The following OSTF1 variants were observed in gnomAD, a reference collection of about 807,000 sequenced individuals.
OSTF1 encodes osteoclast-stimulating factor 1.
Under a neutral mutation model 37.2 loss-of-function variants are expected in OSTF1, and 27 were observed. The observed-to-expected ratio is 0.73, with a 90% CI of 0.54 to 1.00. The LOEUF (loss-of-function observed/expected upper bound fraction) is 1.00. Among genes scored for constraint, OSTF1 ranks in the 50% least tolerant of loss-of-function variants. OSTF1 has a pLI of 0.00. For missense variants in OSTF1, 232 were observed against 253.8 expected, an observed-to-expected ratio of 0.91 and a Z score of 0.58; for synonymous variants, 82 against 89.2, an observed-to-expected ratio of 0.92 and a Z score of 0.46.
At chr9:75,120,365 T>C (rs1825559921) in intron 2 of OSTF1, among the ~76,000 whole-genome samples, 1 of 152,116 alleles carries the variant, frequency 6.6e-6, no homozygotes, top group African/African-American at 2.4e-5. Flanking sequence ...CTGCTTGTCC[T>C]TATCAGTTGT....
chr9:75,100,433 T>TA (rs1437154506), intron 1 of OSTF1, among the ~76,000 whole-genome samples: 1 of 151,664 alleles, frequency 6.6e-6, no homozygotes, highest in East Asian at 1.9e-4. Flanking sequence ...TTTTTTTTTT[T>TA]AAAAAAGTCT....
At position 75,101,875 on chromosome 9, in the gene OSTF1, A is replaced by G. The variant is rs190577323; in HGVS notation, c.34+13149A>G. Among the ~76,000 whole-genome samples, 3 of 152,326 alleles carry G rather than the reference A, an allele frequency of 2.0e-5. No homozygotes were observed. The East Asian group carries it at 5.8e-4, about 29-fold the overall frequency. ...CTGTATCAGGTTTGAAAGAGGTTGC[A>G]CTATAAATAAAGGGCACATTTATAT... On this transcript the variant is annotated intron_variant, in intron 1 of 9. Transcript: ENST00000346234.
Position 75,088,610 on chromosome 9 carries a change from C to G in OSTF1, c.-83C>G. 2 of 1,432,642 alleles carry G rather than the reference C, an allele frequency of 1.4e-6. No individual in the cohort carries two copies. Among genetic ancestry groups the G allele is most frequent in the Non-Finnish European group, 1.9e-6 (2 of 1,035,302 alleles). 88.7% of individuals were successfully genotyped at this position (1,432,642 alleles called of 1,614,324 possible). A position where few individuals can be genotyped will look rare whatever the true frequency, so the allele number is the denominator to read the frequency against. ...ACGGTTGTAAGCCAGACAAAAAGAA[C>G]TGGGGTGCCCGGAGTGCCAGGTGGC... On this transcript the variant is annotated 5_prime_UTR_variant, in exon 1 of 10. Transcript: ENST00000346234.
At chr9:75,119,411 A>C (rs1334879624) in intron 2 of OSTF1, among the ~76,000 whole-genome samples, 1 of 152,230 alleles carries the variant, frequency 6.6e-6, no homozygotes, top group Non-Finnish European at 1.5e-5. Context: ...TTCCACTGAC[A>C]ACTCTCCTGT....
At position 75,141,027 on chromosome 9, in the gene OSTF1, A is replaced by C. The variant is rs140015127; in HGVS notation, c.586+95A>C. 127 of 858,652 alleles carry C rather than the reference A, an allele frequency of 1.5e-4. No individual in the cohort carries two copies. The African/African-American group carries it at 1.8e-3, about 12-fold the overall frequency. The allele number at this position is 858,652 out of a possible 1,614,324, so 53.2% of individuals were successfully genotyped here. A position where few individuals can be genotyped will look rare whatever the true frequency, so the allele number is the denominator to read the frequency against. On this transcript the variant is annotated intron_variant, in intron 9 of 9. Coordinates refer to ENST00000346234, the MANE Select transcript of OSTF1 (RefSeq NM_012383.5). ...AAAAGAGATAAACTCAGCTGAGTGC[A>C]GTGGCTTATACCTGTAATCCCAGCA...
chr9:75,119,022 C>T (rs2118522916), intron 2 of OSTF1, among the ~76,000 whole-genome samples: 1 of 152,344 alleles, frequency 6.6e-6, no homozygotes, highest in South Asian at 2.1e-4. Context: ...TGGGTTTGCC[C>T]CAGACCCTGC....
chr9:75,092,500 C>G (rs906291936), intron 1 of OSTF1, among the ~76,000 whole-genome samples: 11 of 151,980 alleles, frequency 7.2e-5, no homozygotes, highest in Non-Finnish European at 1.2e-4. Context: ...CCTAGAGTAT[C>G]CCATATTTAC....
intron 2 of OSTF1, among the ~76,000 whole-genome samples, chr9:75,124,189 G>A (rs1332101733): frequency 1.3e-5 from 2 of 152,210 alleles, no homozygotes; most frequent in East Asian, 1.9e-4. Context: ...GGGCACATGA[G>A]ATGTTTGGAT....
At chr9:75,146,584 A>C (rs1826028336) in intron 9 of OSTF1, 99 bp from the exon 10 acceptor site, 8 of 803,408 alleles carry the variant, frequency 1.0e-5, no homozygotes. Flanking sequence ...GGTCAGATGG[A>C]AGATTCTATT....
chr9:75,143,567 T>C lies in OSTF1; in HGVS notation c.586+2635T>C, dbSNP rs557559954. On this transcript the variant is annotated intron_variant, in intron 9 of 9. Coordinates refer to ENST00000346234, the MANE Select transcript of OSTF1 (RefSeq NM_012383.5). ...AATGGAATCAAACAGTATGTACTTT[T>C]TGTGACTGACCTCTTTCATTTACAT... 3.3e-4 allele frequency among the ~76,000 whole-genome samples: 51 copies of C among 152,334 alleles called. No homozygotes were observed. In the South Asian group the frequency reaches 0.01, roughly 30 times the overall value.
intron 1 of OSTF1, among the ~76,000 whole-genome samples, chr9:75,103,976 C>T (rs1564155629): frequency 6.6e-6 from 1 of 152,290 alleles, no homozygotes; most frequent in South Asian, 2.1e-4. Context: ...TGCCTGTAAT[C>T]CCACACTTTG....
chr9:75,128,581 CAT>C (rs57516721), intron 3 of OSTF1, among the ~76,000 whole-genome samples: 77 of 2,104 alleles, frequency 0.037, 26 homozygotes, highest in African/African-American at 0.12. Flanking sequence ...ATATTTTGTC[CAT>C]ATATATATAT....
intron 7 of OSTF1, among the ~76,000 whole-genome samples, chr9:75,136,234 A>G (rs1223580555): frequency 6.6e-6 from 1 of 152,102 alleles, no homozygotes; most frequent in African/African-American, 2.4e-5. Flanking sequence ...ATATGATCTT[A>G]TATCTTGCTG....
At chr9:75,095,829 C>G (rs902484914) in intron 1 of OSTF1, among the ~76,000 whole-genome samples, 1 of 151,776 alleles carries the variant, frequency 6.6e-6, no homozygotes, top group Non-Finnish European at 1.5e-5. Context: ...TTTAGGGCAA[C>G]GAGTTGAAGA....
chr9:75,122,912 A>G lies in OSTF1; in HGVS notation c.82-4657A>G, dbSNP rs143309366. Among the ~76,000 whole-genome samples, 8 of 152,360 alleles carry G rather than the reference A, an allele frequency of 5.3e-5. No homozygotes were observed. In the East Asian group the frequency reaches 5.8e-4, roughly 11 times the overall value. On this transcript the variant is annotated intron_variant, in intron 2 of 9. Coordinates refer to ENST00000346234, the MANE Select transcript of OSTF1 (RefSeq NM_012383.5). Reference sequence around the variant, plus strand: ...CAGACTGACAAATCTTAAAAATTTCAAAAGTATATCAGTTTTTCTAAACTT... The same window carrying G: ...CAGACTGACAAATCTTAAAAATTTCGAAAGTATATCAGTTTTTCTAAACTT...
chr9:75,144,286 C>T (rs1036902691), intron 9 of OSTF1, among the ~76,000 whole-genome samples: 43 of 152,102 alleles, frequency 2.8e-4, no homozygotes, highest in African/African-American at 9.4e-4. Flanking sequence ...CCAGGTGTGG[C>T]GGCTCACACC....
chr9:75,100,624 G>C (rs944138217), intron 1 of OSTF1, among the ~76,000 whole-genome samples: 2 of 151,836 alleles, frequency 1.3e-5, no homozygotes, highest in African/African-American at 2.4e-5. Context: ...CCAGCTACTC[G>C]GGAGGCTAAG....
rs1214799791 is a variant in OSTF1 at position 75,128,395 on chromosome 9, T to TCC, written c.132+776_132+777insCC. On this transcript the variant is annotated intron_variant, in intron 3 of 9. Transcript: ENST00000346234. ...ATATATATATATATATATATATATA[T>TCC]ATATATATATATTTTGTCCATATAT... Among the ~76,000 whole-genome samples, 3 of 97,974 alleles carry TCC rather than the reference T, an allele frequency of 3.1e-5. 1 individual carries two copies. Among genetic ancestry groups the TCC allele is most frequent in the African/African-American group, 1.3e-4 (3 of 23,862 alleles). 64.3% of individuals were successfully genotyped at this position (97,974 alleles called of 152,430 possible).
chr9:75,090,295 GT>G (rs1824947626), intron 1 of OSTF1, among the ~76,000 whole-genome samples: 1 of 1,240 alleles, frequency 8.1e-4, no homozygotes, highest in African/African-American at 0.016. Flanking sequence ...ACATTGACAG[GT>G]GTGTGTGTGT....
Sources: gnomAD v4.1 joint callset for allele counts (sites outside exome capture counted in the v4.1 genomes callset) on GRCh38, gnomAD v4.1.1 for gene constraint, MANE v1.5 for transcripts, NCBI Gene and HGNC (gene_info 2026-07-23, HGNC 2026-07-21) for gene names.